The following OSBPL1A variants were observed in gnomAD, a reference collection of about 807,000 sequenced individuals.
The protein encoded by OSBPL1A is oxysterol-binding protein-related protein 1.
OSBPL1A carries 80 observed loss-of-function variants against 137.1 expected under a neutral mutation model. That is an observed-to-expected ratio of 0.58 (90% CI 0.49 to 0.70). OSBPL1A has a LOEUF of 0.70. Among genes scored for constraint, OSBPL1A ranks in the 30% least tolerant of loss-of-function variants. The pLI is 0.00. For missense variants in OSBPL1A, 970 were observed against 1,129.4 expected (o/e 0.86, Z 2.02); for synonymous variants, 365 against 389.7 (o/e 0.94, Z 0.75).
rs575394950 is a variant in OSBPL1A at position 24,363,447 on chromosome 18, CT to C, written c.282+3444del. ...ACACTTCTTTCTTTTTCTTTTTTTCCTTTTTTTTTTTTTTTTTGAGATAGAA... is the reference window on the plus strand; with the variant it reads ...ACACTTCTTTCTTTTTCTTTTTTTCCTTTTTTTTTTTTTTTTGAGATAGAA... On this transcript the variant is annotated intron_variant, in intron 4 of 27. Coordinates refer to ENST00000319481, the MANE Select transcript of OSBPL1A (RefSeq NM_080597.4). Among the ~76,000 whole-genome samples the C allele has an allele frequency of 6.0e-3, 783 of 130,936 alleles. 3 individuals are homozygous for C. The highest frequency in any genetic ancestry group is 0.014 in the African/African-American group (454 of 33,352). The allele number at this position is 130,936 out of a possible 152,430, so 85.9% of individuals were successfully genotyped here.
At chr18:24,213,530 T>C (rs185209158) in intron 17 of OSBPL1A, among the ~76,000 whole-genome samples, 1 of 152,290 alleles carries the variant, frequency 6.6e-6, no homozygotes, top group African/African-American at 2.4e-5. Context: ...ATTACACCAC[T>C]GCCCTCCAGG....
At chr18:24,252,920 C>CAGTAT (rs778602089) in intron 15 of OSBPL1A, among the ~76,000 whole-genome samples, 14 of 151,904 alleles carry the variant, frequency 9.2e-5, no homozygotes, top group Non-Finnish European at 1.9e-4. Flanking sequence ...GGTTATAAGA[C>CAGTAT]AGTATTTGCA....
chr18:24,274,694 G>T (rs964993241), intron 15 of OSBPL1A, among the ~76,000 whole-genome samples: 2 of 152,186 alleles, frequency 1.3e-5, no homozygotes, highest in Non-Finnish European at 2.9e-5. Flanking sequence ...TATCACTTCA[G>T]TTCAGAAGTT....
intron 15 of OSBPL1A, among the ~76,000 whole-genome samples, chr18:24,252,155 C>T (rs1306479668): frequency 6.6e-6 from 1 of 152,046 alleles, no homozygotes; most frequent in Non-Finnish European, 1.5e-5. Context: ...AAAGTTTATG[C>T]AAATGGATAA....
intron 1 of OSBPL1A, among the ~76,000 whole-genome samples, chr18:24,384,896 A>C (rs1024645920): frequency 6.6e-6 from 1 of 151,880 alleles, no homozygotes; most frequent in African/African-American, 2.4e-5. Context: ...AGAAAAAAGA[A>C]AGAAAAAGAA....
At chr18:24,261,382 A>G (rs1027536693) in intron 15 of OSBPL1A, among the ~76,000 whole-genome samples, 6 of 152,330 alleles carry the variant, frequency 3.9e-5, no homozygotes, top group South Asian at 2.1e-4. Flanking sequence ...AACTCATTCA[A>G]TAACAGTTTA....
intron 17 of OSBPL1A, among the ~76,000 whole-genome samples, chr18:24,210,141 C>T (rs767179318): frequency 2.0e-5 from 3 of 152,156 alleles, no homozygotes; most frequent in African/African-American, 4.8e-5. Flanking sequence ...ACTGAAGACC[C>T]CAGGGCCAGG....
chr18:24,329,172 A>C (rs1378927683), intron 7 of OSBPL1A, among the ~76,000 whole-genome samples: 1 of 152,192 alleles, frequency 6.6e-6, no homozygotes, highest in Middle Eastern at 3.2e-3. Flanking sequence ...ACTTGAGCTC[A>C]GAGTTTGAGG....
intron 4 of OSBPL1A, among the ~76,000 whole-genome samples, chr18:24,345,720 T>G (rs1204509864): frequency 6.6e-6 from 1 of 152,000 alleles, no homozygotes; most frequent in Admixed American, 6.6e-5. Context: ...GAGATGTAGA[T>G]ATATTTTAAT....
At position 24,172,464 on chromosome 18, in the gene OSBPL1A, A is replaced by T. The variant is rs1269753104; in HGVS notation, c.2113T>A (p.Trp705Arg). 6.2e-7 allele frequency: 1 copy of T among 1,613,684 alleles called. No homozygotes were observed. The highest frequency in any genetic ancestry group is 1.3e-5 in the African/African-American group (1 of 74,916). ...ELLEHNEAYT[W>R]TNPTCCVHNI... ...TGCACACAGCAGGTGGGATTTGTCC[A>T]TGTATATGCCTCATTGTGTCTAAAA... Residue 705 changes from tryptophan to arginine, a missense_variant, in exon 22 of 28, where the codon TGG becomes AGG. Coordinates refer to ENST00000319481, the MANE Select transcript of OSBPL1A (RefSeq NM_080597.4).
At chr18:24,395,506 C>T (rs568015620) in intron 1 of OSBPL1A, among the ~76,000 whole-genome samples, 21 of 152,232 alleles carry the variant, frequency 1.4e-4, no homozygotes, top group Non-Finnish European at 2.1e-4. Context: ...AATATTTAAC[C>T]GGCATTGTGC....
At chr18:24,310,235 A>C (rs2090591657) in intron 13 of OSBPL1A, among the ~76,000 whole-genome samples, 1 of 151,958 alleles carries the variant, frequency 6.6e-6, no homozygotes, top group South Asian at 2.1e-4. Context: ...CAAAACATTA[A>C]GGAATAAACT....
At chr18:24,241,833 T>G (rs1021451605) in intron 15 of OSBPL1A, among the ~76,000 whole-genome samples, 1 of 152,166 alleles carries the variant, frequency 6.6e-6, no homozygotes, top group Non-Finnish European at 1.5e-5. Context: ...ACACATATGT[T>G]TATTGCAGCA....
At chr18:24,232,641 G>A (rs1203576505) in intron 16 of OSBPL1A, among the ~76,000 whole-genome samples, 1 of 152,112 alleles carries the variant, frequency 6.6e-6, no homozygotes, top group Non-Finnish European at 1.5e-5. Flanking sequence ...TTTTTAGGAA[G>A]GTCACATTAT....
intron 15 of OSBPL1A, among the ~76,000 whole-genome samples, chr18:24,262,758 C>A (rs1161170011): frequency 7.0e-6 from 1 of 142,620 alleles, no homozygotes; most frequent in Non-Finnish European, 1.5e-5. Flanking sequence ...CCCCCATGTG[C>A]CCCTTTCACG....
chr18:24,292,188 A>G (rs2090186096), intron 14 of OSBPL1A, among the ~76,000 whole-genome samples: 1 of 152,262 alleles, frequency 6.6e-6, no homozygotes, highest in Non-Finnish European at 1.5e-5. Flanking sequence ...AAAGATTTAG[A>G]TAAGGTAGAA....
At chr18:24,209,104 G>T (rs917029940) in intron 17 of OSBPL1A, among the ~76,000 whole-genome samples, 1 of 152,064 alleles carries the variant, frequency 6.6e-6, no homozygotes, top group Non-Finnish European at 1.5e-5. Context: ...AAACAAAGAA[G>T]AAATTAAAGA....
intron 14 of OSBPL1A, among the ~76,000 whole-genome samples, chr18:24,289,502 ACCCCC>A (rs2090137776): frequency 7.1e-6 from 1 of 139,968 alleles, no homozygotes; most frequent in South Asian, 2.2e-4. Flanking sequence ...GCTCACTGTA[ACCCCC>A]ACCTCCCGGG....
At position 24,267,441 on chromosome 18, in the gene OSBPL1A, C is replaced by G. The variant is rs1254512517; in HGVS notation, c.1281+13401G>C. On this transcript the variant is annotated intron_variant, in intron 15 of 27. Coordinates refer to ENST00000319481, the MANE Select transcript of OSBPL1A (RefSeq NM_080597.4). ...AACTCACTTTATGAGGTCAGTATAACCTTGATATTAAACCCTGATGAGGAC... is the reference window on the plus strand; with the variant it reads ...AACTCACTTTATGAGGTCAGTATAAGCTTGATATTAAACCCTGATGAGGAC... Among the ~76,000 whole-genome samples, 3 of 151,966 alleles carry G rather than the reference C, an allele frequency of 2.0e-5. No homozygotes were observed. In the East Asian group the frequency reaches 5.8e-4, roughly 29 times the overall value.
Sources: allele counts gnomAD v4.1 joint callset (sites outside exome capture counted in the v4.1 genomes callset), GRCh38; gene constraint gnomAD v4.1.1; transcripts MANE v1.5; gene names NCBI Gene and HGNC (gene_info 2026-07-23, HGNC 2026-07-21).